Variants in LMOD3 observed in about 807,000 individuals in gnomAD.
The protein encoded by LMOD3 is leiomodin-3.
In LMOD3, 31 loss-of-function variants were observed where a neutral mutation model predicts 41.8. The ratio of observed to expected loss-of-function variants is 0.74; its 90% confidence interval spans 0.56 to 1.00. The LOEUF (loss-of-function observed/expected upper bound fraction) is 1.00, where lower values mean the gene tolerates loss of function less well. LMOD3 is among the 50% of genes least tolerant of loss of function. The pLI is 0.00. For synonymous variants in LMOD3, 292 were observed against 241.9 expected (o/e 1.21, Z -1.92); for missense variants, 755 against 679.5 (o/e 1.11, Z -1.23).
Position 69,119,179 on chromosome 3 carries a change from C to G in LMOD3, c.1176G>C (p.Arg392Ser). 6.2e-7 allele frequency: 1 copy of G among 1,613,558 alleles called. No homozygotes were observed. The highest frequency in any genetic ancestry group is 1.1e-5 in the South Asian group (1 of 91,028). The part of the protein sequence containing the change: ...PRMVVTNLLT[R>S]NQDKQRQKRQ... The stretch of plus-strand genomic sequence containing the variant: ...GTTTCTGCCTTTGTTTATCCTGATT[C>G]CTGGTGAGCAGATTAGTGACCACCA... The change falls in exon 2 of 3, where the codon AGG (arginine) becomes AGC (serine). Residue 392 changes from arginine (R) to serine (S), a missense_variant. Arg to Ser is a moderately radical substitution (Grantham distance 110, BLOSUM62 -1). Coordinates refer to ENST00000420581, the MANE Select transcript of LMOD3 (RefSeq NM_198271.5).
intron 2 of LMOD3, among the ~76,000 whole-genome samples, chr3:69,112,486 A>G (rs966811247): frequency 1.3e-5 from 2 of 152,188 alleles, no homozygotes; most frequent in East Asian, 3.9e-4. Flanking sequence ...GCTATAAAAG[A>G]GGTGTGGACA....
At chr3:69,121,969 C>A (rs2092409521) in intron 1 of LMOD3, 124 bp downstream of exon 1, 1 of 715,778 alleles carries the variant, frequency 1.4e-6, no homozygotes, top group African/African-American at 1.8e-5. Flanking sequence ...ATGGTTTAAT[C>A]TAGATATGGC....
At position 69,120,032 on chromosome 3, in the gene LMOD3, ATTTC is replaced by A; in HGVS notation, c.319_322del (p.Glu107Ter). The A allele has an allele frequency of 6.2e-7, 1 of 1,602,988 alleles. No homozygotes were observed. The highest frequency in any genetic ancestry group is 8.5e-7 in the Non-Finnish European group (1 of 1,176,638). On this transcript the variant is annotated frameshift_variant, in exon 2 of 3. Coordinates refer to ENST00000420581, the MANE Select transcript of LMOD3 (RefSeq NM_198271.5). LOFTEE classifies it high-confidence loss of function. ...GGCCATATTTTTATTACGTTTTTCT[ATTTC>A]TTCATGCTCTTCTTGAGTCTTTTCC... is the stretch of plus-strand genomic sequence containing the variant.
intron 2 of LMOD3, 40 bp downstream of exon 2, chr3:69,118,659 G>T: frequency 6.3e-7 from 1 of 1,575,938 alleles, no homozygotes; most frequent in South Asian, 1.2e-5. Context: ...CATTTACTAT[G>T]GAGGGTGCTC....
rs1161229355 is a variant in LMOD3, at chr3:69,107,071, G to A, written c.*2024C>T. On this transcript the variant is annotated 3_prime_UTR_variant, in exon 3 of 3. Coordinates refer to ENST00000420581, the MANE Select transcript of LMOD3 (RefSeq NM_198271.5). Reference sequence around the variant, plus strand: ...TGTTTAAAGTGCTTTTCCTATCAGAGTTTAGCCTCTTAGATGTAGTATGTG... The same window carrying A: ...TGTTTAAAGTGCTTTTCCTATCAGAATTTAGCCTCTTAGATGTAGTATGTG... 1.3e-5 allele frequency: 2 copies of A among 151,722 alleles called. No homozygotes were observed. Among genetic ancestry groups the A allele is most frequent in the Non-Finnish European group, 2.9e-5 (2 of 67,960 alleles). 9.4% of individuals were successfully genotyped at this position (151,722 alleles called of 1,614,324 possible).
At chr3:69,113,747 A>G (rs1397008536) in intron 2 of LMOD3, among the ~76,000 whole-genome samples, 1 of 152,230 alleles carries the variant, frequency 6.6e-6, no homozygotes, top group Admixed American at 6.5e-5. Flanking sequence ...AGCTGGCCTC[A>G]GGGAATTAGA....
At chr3:69,121,271 A>C (rs1287237611) in intron 1 of LMOD3, among the ~76,000 whole-genome samples, 1 of 152,178 alleles carries the variant, frequency 6.6e-6, no homozygotes, top group Non-Finnish European at 1.5e-5. Flanking sequence ...ATCTTAGCAC[A>C]TGTTTAAACT....
rs1019240148 is a variant in LMOD3 at position 69,119,874 on chromosome 3, C to T, written c.481G>A (p.Asp161Asn). The T allele has an allele frequency of 1.4e-5, 21 of 1,554,574 alleles. No individual in the cohort carries two copies. Among genetic ancestry groups the T allele is most frequent in the Non-Finnish European group, 1.7e-5 (20 of 1,146,740 alleles). ...EDDDDDDEGE[D>N]DGEESEETNR... ...GTTTCTTCACTCTCTTCACCATCATCTTCTCCTTCGTCGTCATCATCATCA... is the reference window on the plus strand; with the variant it reads ...GTTTCTTCACTCTCTTCACCATCATTTTCTCCTTCGTCGTCATCATCATCA... The change falls in exon 2 of 3, where the codon GAT becomes AAT. Residue 161 changes from aspartate to asparagine, a missense_variant. Coordinates refer to ENST00000420581, the MANE Select transcript of LMOD3 (RefSeq NM_198271.5).
rs2107526854 is a variant in LMOD3 at position 69,119,920 on chromosome 3, T to C, written c.435A>G (p.Glu145=). The C allele has an allele frequency of 6.4e-7, 1 of 1,554,072 alleles. No homozygotes were observed. Among genetic ancestry groups the C allele is most frequent in the Non-Finnish European group, 8.7e-7 (1 of 1,145,924 alleles). Residue 145 remains glutamate, a synonymous_variant, in exon 2 of 3, where the codon GAA becomes GAG. Coordinates refer to ENST00000420581, the MANE Select transcript of LMOD3 (RefSeq NM_198271.5). ...CATCATCTTCTTCTTCTTCATCTTC[T>C]TCATCTGTTTCTTGGATATTGCTGC... ...KGSSNIQETD[E]EDEEEEDDDD...
At chr3:69,114,115 T>C (rs2107522986) in intron 2 of LMOD3, among the ~76,000 whole-genome samples, 1 of 152,184 alleles carries the variant, frequency 6.6e-6, no homozygotes, top group South Asian at 2.1e-4. Context: ...AGAGAAAAAC[T>C]AGAGGGTCCA....
chr3:69,108,155 A>G lies in LMOD3; in HGVS notation c.*940T>C, dbSNP rs948125401. The G allele has an allele frequency of 6.6e-6, 1 of 152,172 alleles. No individual in the cohort carries two copies. Among genetic ancestry groups the G allele is most frequent in the Admixed American group, 6.5e-5 (1 of 15,272 alleles). 9.4% of individuals were successfully genotyped at this position (152,172 alleles called of 1,614,324 possible). ...GAATAGGATAAGTAGTTCAAGTTTA[A>G]TCCTTCCTGTAAGCAAGTTTCCTTT... is the stretch of plus-strand genomic sequence containing the variant. On this transcript the variant is annotated 3_prime_UTR_variant, in exon 3 of 3. Transcript: ENST00000420581.
Position 69,122,320 on chromosome 3 carries a change from TTTCATCTTCATTAA to T in LMOD3, c.53_66del (p.Ile18AsnfsTer8), listed in dbSNP as rs1314014909. ...TCTTCAGCAGACAAGTTGGCCAAGA[TTTCATCTTCATTAA>T]TCTCCTCATCGAGAAGTTCTTCTTG... On this transcript the variant is annotated frameshift_variant, in exon 1 of 3. Transcript: ENST00000420581. LOFTEE classifies it high-confidence loss of function. 1.9e-6 allele frequency: 3 copies of T among 1,613,332 alleles called. No homozygotes were observed. Among genetic ancestry groups the T allele is most frequent in the Non-Finnish European group, 2.5e-6 (3 of 1,179,526 alleles).
At chr3:69,113,100 T>A (rs1248865384) in intron 2 of LMOD3, among the ~76,000 whole-genome samples, 3 of 152,156 alleles carry the variant, frequency 2.0e-5, no homozygotes, top group Non-Finnish European at 4.4e-5. Flanking sequence ...CCTGGTTTCT[T>A]TATTGGAGGT....
rs2092326547 is a variant in LMOD3, at chr3:69,107,267, A to G, written c.*1828T>C. On this transcript the variant is annotated 3_prime_UTR_variant, in exon 3 of 3. Coordinates refer to ENST00000420581, the MANE Select transcript of LMOD3 (RefSeq NM_198271.5). ...TACTAAATTATCTTAAAAAAATAGA[A>G]ACGCCATATTTCTTTCCCATGGCTT... 6.6e-6 allele frequency: 1 copy of G among 151,986 alleles called. No individual in the cohort carries two copies. Among genetic ancestry groups the G allele is most frequent in the Middle Eastern group, 3.4e-3 (1 of 292 alleles). The allele number at this position is 151,986 out of a possible 1,614,324, so 9.4% of individuals were successfully genotyped here. A position where few individuals can be genotyped will look rare whatever the true frequency, so the allele number is the denominator to read the frequency against.
Position 69,108,793 on chromosome 3 carries a change from A to T in LMOD3, c.*302T>A, listed in dbSNP as rs1370089260. ...CAATAATAAAGCAAATGTTTAAAAA[A>T]TTTTCTTTAACTTCTGCTTCGGGAA... On this transcript the variant is annotated 3_prime_UTR_variant, in exon 3 of 3. Transcript: ENST00000420581. The T allele has an allele frequency of 3.4e-6, 1 of 298,146 alleles. No individual in the cohort carries two copies. The highest frequency in any genetic ancestry group is 6.1e-6 in the Non-Finnish European group (1 of 163,098). 18.5% of individuals were successfully genotyped at this position (298,146 alleles called of 1,614,324 possible).
intron 1 of LMOD3, 78 bp downstream of exon 1, chr3:69,122,015 A>G: frequency 8.3e-7 from 1 of 1,204,328 alleles, no homozygotes; most frequent in Non-Finnish European, 1.2e-6. Flanking sequence ...GAGTCTTGAG[A>G]AATCACAGTT....
At chr3:69,114,563 A>G (rs1335879804) in intron 2 of LMOD3, among the ~76,000 whole-genome samples, 1 of 152,206 alleles carries the variant, frequency 6.6e-6, no homozygotes, top group Non-Finnish European at 1.5e-5. Flanking sequence ...GCTGGAGTGC[A>G]GTGGCACCAT....
At position 69,119,731 on chromosome 3, in the gene LMOD3, T is replaced by C. The variant is rs1319007218; in HGVS notation, c.624A>G (p.Gln208=). 2 of 1,613,914 alleles carry C rather than the reference T, an allele frequency of 1.2e-6. No individual in the cohort carries two copies. The highest frequency in any genetic ancestry group is 2.2e-5 in the South Asian group (2 of 91,072). ...CTAATTTCGATATTTTTTTCTCACT[T>C]TGTTCTTGGGCCTCTGGTCTGTCTC... is the stretch of plus-strand genomic sequence containing the variant. The part of the protein sequence containing the change: ...EQRDRPEAQE[Q]SEKKISKLDP... Residue 208 remains glutamine, a synonymous_variant, in exon 2 of 3, where the codon CAA becomes CAG. Transcript: ENST00000420581.
rs1459168062 is a variant in LMOD3 at position 69,109,029 on chromosome 3, T to G, written c.*66A>C. ...TCCTAAAGTATTGCTGCTGACATAG[T>G]CTCCATGCTGTAATCCAAGAGTCAC... is the stretch of plus-strand genomic sequence containing the variant. On this transcript the variant is annotated 3_prime_UTR_variant, in exon 3 of 3. Coordinates refer to ENST00000420581, the MANE Select transcript of LMOD3 (RefSeq NM_198271.5). 4 of 1,351,446 alleles carry G rather than the reference T, an allele frequency of 3.0e-6. No individual in the cohort carries two copies. The highest frequency in any genetic ancestry group is 3.1e-6 in the Non-Finnish European group (3 of 964,576). 83.7% of individuals were successfully genotyped at this position (1,351,446 alleles called of 1,614,324 possible).
Sources: gnomAD v4.1 joint callset for allele counts (sites outside exome capture counted in the v4.1 genomes callset) on GRCh38, gnomAD v4.1.1 for gene constraint, MANE v1.5 for transcripts, NCBI Gene and HGNC (gene_info 2026-07-23, HGNC 2026-07-21) for gene names.